Variants in GALNT14 observed in about 807,000 individuals in gnomAD.
GALNT14 encodes UDP-GalNAc:polypeptide N-acetylgalactosaminyltransferase 14.
GALNT14 carries 60 observed loss-of-function variants against 77.5 expected under a neutral mutation model. The observed-to-expected ratio is 0.77, with a 90% CI of 0.63 to 0.96. The LOEUF (loss-of-function observed/expected upper bound fraction) is 0.96, where lower values mean the gene tolerates loss of function less well. GALNT14 is among the 40% of genes least tolerant of loss of function. The pLI is 0.00. For synonymous variants in GALNT14, 280 were observed against 281.7 expected (o/e 0.99, Z 0.06); for missense variants, 710 against 731.0 (o/e 0.97, Z 0.33).
intron 13 of GALNT14, among the ~76,000 whole-genome samples, chr2:30,921,142 C>G (rs1440493224): frequency 6.6e-6 from 1 of 152,172 alleles, no homozygotes; most frequent in East Asian, 1.9e-4. Flanking sequence ...CCTGACAACT[C>G]TCCTCAGGGC....
At chr2:30,938,316 C>T (rs1666178128) in intron 9 of GALNT14, among the ~76,000 whole-genome samples, 1 of 150,948 alleles carries the variant, frequency 6.6e-6, no homozygotes, top group Non-Finnish European at 1.5e-5. Context: ...CCTACACACA[C>T]ACACACACAC....
At position 30,945,884 on chromosome 2, in the gene GALNT14, GACCCGC is replaced by G; in HGVS notation, c.655-20_655-15del. 4 of 1,611,866 alleles carry G rather than the reference GACCCGC, an allele frequency of 2.5e-6. No individual in the cohort carries two copies. The highest frequency in any genetic ancestry group is 3.4e-6 in the Non-Finnish European group (4 of 1,177,896). Reference sequence around the variant, plus strand: ...CCGCGTGTAGTCCTGTAAGACAACAGACCCGCACTTAGCTTATGGAGAGGAGCCCAG... The same window carrying G: ...CCGCGTGTAGTCCTGTAAGACAACAGACTTAGCTTATGGAGAGGAGCCCAG... On this transcript the variant is annotated splice_polypyrimidine_tract_variant and intron_variant, in intron 6 of 14. Coordinates refer to ENST00000349752, the MANE Select transcript of GALNT14 (RefSeq NM_024572.4).
intron 2 of GALNT14, among the ~76,000 whole-genome samples, chr2:30,978,999 G>C (rs1668819581): frequency 6.6e-6 from 1 of 152,246 alleles, no homozygotes; most frequent in African/African-American, 2.4e-5. Context: ...ATCCTGAATA[G>C]AGAAAGCAGC....
intron 1 of GALNT14, among the ~76,000 whole-genome samples, chr2:31,013,625 G>A (rs2010334): frequency 0.18 from 27,388 of 152,144 alleles, 2,654 homozygotes; most frequent in East Asian, 0.27. Flanking sequence ...CAAGCTCAGG[G>A]ATGACAGCAC....
intron 1 of GALNT14, among the ~76,000 whole-genome samples, chr2:31,015,116 C>A (rs1185911612): frequency 6.6e-6 from 1 of 151,918 alleles, no homozygotes; most frequent in Non-Finnish European, 1.5e-5. Context: ...TTGGTGAAAC[C>A]TCATCTCTAC....
intron 6 of GALNT14, 86 bp from the exon 7 acceptor site, chr2:30,945,956 GC>G: frequency 1.8e-6 from 2 of 1,084,488 alleles, no homozygotes; most frequent in Non-Finnish European, 2.8e-6. Flanking sequence ...TGAGGGTAGG[GC>G]CAGAGATGAG....
intron 1 of GALNT14, among the ~76,000 whole-genome samples, chr2:31,005,467 G>A (rs1056511440): frequency 2.0e-5 from 3 of 152,144 alleles, no homozygotes; most frequent in South Asian, 2.1e-4. Flanking sequence ...TTCATAGCCC[G>A]AATTAGGCTT....
At chr2:31,069,482 A>G (rs1327925281) in intron 1 of GALNT14, among the ~76,000 whole-genome samples, 1 of 152,198 alleles carries the variant, frequency 6.6e-6, no homozygotes, top group Non-Finnish European at 1.5e-5. Context: ...TATAATCCCC[A>G]TTTTACAAAT....
chr2:31,138,353 G>A lies in GALNT14; in HGVS notation c.-267C>T. Reference sequence around the variant, plus strand: ...GGACGCCCGCTCCAGCGGGAGAAGCGCGGTGGCTGCCGAGATGTTCCCCAC... The same window carrying A: ...GGACGCCCGCTCCAGCGGGAGAAGCACGGTGGCTGCCGAGATGTTCCCCAC... On this transcript the variant is annotated 5_prime_UTR_variant, in exon 1 of 15. Transcript: ENST00000349752. The A allele has an allele frequency of 2.2e-6, 1 of 456,006 alleles. No homozygotes were observed. The highest frequency in any genetic ancestry group is 2.9e-5 in the South Asian group (1 of 34,940). 28.2% of individuals were successfully genotyped at this position (456,006 alleles called of 1,614,324 possible). A position where few individuals can be genotyped will look rare whatever the true frequency, so the allele number is the denominator to read the frequency against.
At chr2:30,956,754 G>A (rs955154304) in intron 4 of GALNT14, among the ~76,000 whole-genome samples, 5 of 152,080 alleles carry the variant, frequency 3.3e-5, no homozygotes, top group African/African-American at 7.2e-5. Context: ...TGATCCTCCC[G>A]CCTCAGCCTC....
intron 1 of GALNT14, among the ~76,000 whole-genome samples, chr2:31,006,819 G>A (rs1164251788): frequency 6.6e-6 from 1 of 152,208 alleles, no homozygotes. Flanking sequence ...AATCCCCAAA[G>A]GTGACATTAG....
intron 1 of GALNT14, among the ~76,000 whole-genome samples, chr2:31,036,766 T>C (rs976015815): frequency 9.2e-5 from 14 of 152,246 alleles, no homozygotes; most frequent in Admixed American, 6.5e-5. Context: ...TAGTCTCTAC[T>C]GAATATGAAA....
At chr2:31,101,114 C>A (rs918302556) in intron 1 of GALNT14, among the ~76,000 whole-genome samples, 2 of 151,956 alleles carry the variant, frequency 1.3e-5, no homozygotes, top group African/African-American at 4.8e-5. Flanking sequence ...GTCAAGCTTT[C>A]TTGAGTGTAT....
chr2:30,987,451 C>A (rs1669367172), intron 2 of GALNT14, among the ~76,000 whole-genome samples: 1 of 152,222 alleles, frequency 6.6e-6, no homozygotes, highest in African/African-American at 2.4e-5. Context: ...TACTCCTGCC[C>A]TCTGCCATCT....
intron 1 of GALNT14, chr2:31,125,310 A>C: frequency 8.0e-7 from 1 of 1,244,674 alleles, no homozygotes; most frequent in Non-Finnish European, 1.2e-6. Flanking sequence ...AATTAATAGC[A>C]GCATTGATTT....
intron 1 of GALNT14, among the ~76,000 whole-genome samples, chr2:31,019,005 T>C (rs1671553856): frequency 6.6e-6 from 1 of 152,016 alleles, no homozygotes; most frequent in Non-Finnish European, 1.5e-5. Context: ...GACTCAGTTG[T>C]CTCCAGGTAC....
At chr2:30,924,338 G>T in intron 12 of GALNT14, 75 bp from the exon 13 acceptor site, 1 of 1,513,750 alleles carries the variant, frequency 6.6e-7, no homozygotes, top group African/African-American at 1.4e-5. Flanking sequence ...GGAGAGGGTG[G>T]GCAGTGTTCT....
At position 30,942,812 on chromosome 2, in the gene GALNT14, C is replaced by T. The variant is rs1030888318; in HGVS notation, c.828-508G>A. Among the ~76,000 whole-genome samples the T allele has an allele frequency of 4.0e-4, 61 of 152,114 alleles. 1 individual carries two copies. Among genetic ancestry groups the T allele is most frequent in the Non-Finnish European group, 1.5e-5 (1 of 68,022 alleles). The stretch of plus-strand genomic sequence containing the variant: ...CTCTCCTTTTTTTTCCCTCTTTATG[C>T]CTCTGTTATGGGTTGAATTCCTTCT... On this transcript the variant is annotated intron_variant, in intron 8 of 14. Transcript: ENST00000349752.
intron 1 of GALNT14, among the ~76,000 whole-genome samples, chr2:31,077,998 G>C (rs1017138710): frequency 1.3e-5 from 2 of 152,208 alleles, no homozygotes; most frequent in African/African-American, 4.8e-5. Context: ...CAGGCCAAGA[G>C]GCTAGAGCAA....
Sources: gnomAD v4.1 joint callset for allele counts (sites outside exome capture counted in the v4.1 genomes callset) on GRCh38, gnomAD v4.1.1 for gene constraint, MANE v1.5 for transcripts, NCBI Gene and HGNC (gene_info 2026-07-23, HGNC 2026-07-21) for gene names.